Variants in CCDC32 observed in about 807,000 individuals in gnomAD.
The protein encoded by CCDC32 is coiled-coil domain-containing protein 32.
In CCDC32, 9 loss-of-function variants were observed where a neutral mutation model predicts 20.1. The observed-to-expected ratio is 0.45, with a 90% CI of 0.27 to 0.78. The LOEUF (loss-of-function observed/expected upper bound fraction) is 0.78. CCDC32 is among the 30% of genes least tolerant of loss of function. CCDC32 has a pLI of 0.16. For synonymous variants in CCDC32, 63 were observed against 79.0 expected (o/e 0.80, Z 1.07); for missense variants, 204 against 215.5 (o/e 0.95, Z 0.33).
chr15:40,521,171 C>G, the CCDC32 span, among the ~76,000 whole-genome samples: 1 of 152,104 alleles, frequency 6.6e-6, no homozygotes. Context: ...CAGTGCAGTT[C>G]AAACCTGTGT....
chr15:40,548,711 G>A (rs546951706), downstream of CCDC32, among the ~76,000 whole-genome samples: 3 of 152,190 alleles, frequency 2.0e-5, no homozygotes, highest in Non-Finnish European at 2.9e-5. Context: ...CTTACATGCC[G>A]GCTCAGAACT....
chr15:40,562,741 C>G (rs768267351), intron 2 of CCDC32, 31 bp downstream of exon 2: 1 of 1,589,084 alleles, frequency 6.3e-7, no homozygotes, highest in South Asian at 1.1e-5. Context: ...AACAGAACTT[C>G]AATATGCTTC....
chr15:40,526,400 C>T (rs1413674158), downstream of CCDC32, among the ~76,000 whole-genome samples: 3 of 152,278 alleles, frequency 2.0e-5, no homozygotes, highest in Admixed American at 6.5e-5. Context: ...CTTTCCACAT[C>T]AGTACATAAT....
chr15:40,524,341 A>G (rs888050870), downstream of CCDC32, among the ~76,000 whole-genome samples: 5 of 151,674 alleles, frequency 3.3e-5, no homozygotes, highest in African/African-American at 1.2e-4. Context: ...TATTTTTAGT[A>G]GAGACGGGGT....
chr15:40,540,206 G>A (rs1045803264), intron 3 of CCDC32, among the ~76,000 whole-genome samples: 1 of 152,148 alleles, frequency 6.6e-6, no homozygotes, highest in Admixed American at 6.5e-5. Context: ...TAACAGGAGG[G>A]CTGGGCCAAC....
At chr15:40,532,710 C>G (rs372392644), downstream of CCDC32, among the ~76,000 whole-genome samples, 1 of 96,632 alleles carries the variant, frequency 1.0e-5, no homozygotes, top group Non-Finnish European at 2.2e-5. Flanking sequence ...AATTTGTTTT[C>G]TTTCTTTTTT....
downstream of CCDC32, among the ~76,000 whole-genome samples, chr15:40,548,142 G>A (rs1194436137): frequency 6.6e-6 from 1 of 152,100 alleles, no homozygotes; most frequent in East Asian, 1.9e-4. Flanking sequence ...TTATTTGGTT[G>A]CCTTGTGGCC....
chr15:40,528,600 G>A (rs1261807892), downstream of CCDC32: 1 of 599,896 alleles, frequency 1.7e-6, no homozygotes, highest in Admixed American at 3.1e-5. Flanking sequence ...CCAGGGAGGG[G>A]AAGACACCAG....
chr15:40,545,965 A>T (rs973651854), intron 3 of CCDC32, among the ~76,000 whole-genome samples: 1 of 152,134 alleles, frequency 6.6e-6, no homozygotes, highest in Non-Finnish European at 1.5e-5. Context: ...AATCACATGT[A>T]TATTAGACTG....
intron 3 of CCDC32, among the ~76,000 whole-genome samples, chr15:40,548,002 TC>T (rs1257619942): frequency 2.0e-5 from 3 of 152,264 alleles, no homozygotes; most frequent in African/African-American, 7.2e-5. Flanking sequence ...ATTGTCTTTT[TC>T]TTACCCACTT....
At chr15:40,539,391 G>T (rs1389892456) in intron 3 of CCDC32, 2 of 1,496,278 alleles carry the variant, frequency 1.3e-6, no homozygotes, top group Non-Finnish European at 1.8e-6. Context: ...AGACGAGGAA[G>T]ATAGACAGAT....
chr15:40,535,187 G>A (rs1889058523), downstream of CCDC32: 1 of 1,321,800 alleles, frequency 7.6e-7, no homozygotes, highest in African/African-American at 1.5e-5. Flanking sequence ...TAAGATGAAT[G>A]GAATGGGGGA....
At chr15:40,560,962 G>A (rs1356488297) in intron 2 of CCDC32, among the ~76,000 whole-genome samples, 2 of 152,128 alleles carry the variant, frequency 1.3e-5, no homozygotes, top group African/African-American at 4.8e-5. Context: ...ACCAACCTAA[G>A]TGCCCATCGA....
At chr15:40,562,701 C>T (rs772599904) in intron 2 of CCDC32, 71 bp downstream of exon 2, 11 of 1,516,370 alleles carry the variant, frequency 7.3e-6, no homozygotes, top group East Asian at 2.3e-5. Context: ...ATAACAACAA[C>T]ACAAAAGAAT....
chr15:40,549,525 T>G (rs1889755270), downstream of CCDC32, among the ~76,000 whole-genome samples: 1 of 152,200 alleles, frequency 6.6e-6, no homozygotes, highest in East Asian at 1.9e-4. Flanking sequence ...CTCCTTCCCA[T>G]GTGCTCTCAA....
chr15:40,525,129 C>T (rs1894885300), downstream of CCDC32, among the ~76,000 whole-genome samples: 1 of 151,580 alleles, frequency 6.6e-6, no homozygotes, highest in Admixed American at 6.6e-5. Context: ...CACCCGGGTT[C>T]AAGCAATTCT....
chr15:40,538,353 G>A (rs185637005), downstream of CCDC32: 1 of 152,356 alleles, frequency 6.6e-6, no homozygotes, highest in East Asian at 1.9e-4. Context: ...GTCTGGAAAT[G>A]GGATCCACTG....
rs562239493 is a variant in CCDC32, at chr15:40,563,381, T to C, written c.-12-354A>G. ...CTGTCTCACAAATAAATAAATAAAA[T>C]AAAAATAAAAATGGAATTCCTACAA... is the stretch of plus-strand genomic sequence containing the variant. On this transcript the variant is annotated intron_variant, in intron 1 of 3. Transcript: ENST00000416810. Among the ~76,000 whole-genome samples, 139 of 151,764 alleles carry C rather than the reference T, an allele frequency of 9.2e-4. 1 individual carries two copies. Among genetic ancestry groups the C allele is most frequent in the African/African-American group, 3.3e-3 (135 of 41,332 alleles).
At chr15:40,553,016 T>G, downstream of CCDC32, 1 of 680,050 alleles carries the variant, frequency 1.5e-6, no homozygotes, top group Non-Finnish European at 1.8e-6. Flanking sequence ...TCCCATGCCT[T>G]TGCATGCATT....
Sources: allele counts gnomAD v4.1 joint callset (sites outside exome capture counted in the v4.1 genomes callset), GRCh38; gene constraint gnomAD v4.1.1; transcripts MANE v1.5; gene names NCBI Gene and HGNC (gene_info 2026-07-23, HGNC 2026-07-21).